Variants in AGBL4 observed in about 807,000 individuals in gnomAD.
The protein encoded by AGBL4 is cytosolic carboxypeptidase 6.
A neutral mutation model predicts 66.4 loss-of-function variants in AGBL4; 58 were observed. That is an observed-to-expected ratio of 0.87 (90% CI 0.71 to 1.09). The LOEUF is 1.09. Ranked by LOEUF, AGBL4 falls within the 50% of genes least tolerant of loss-of-function variation. AGBL4 has a pLI of 0.00. For missense variants in AGBL4, 579 were observed against 631.0 expected (o/e 0.92, Z 0.88); for synonymous variants, 234 against 222.9 (o/e 1.05, Z -0.44).
chr1:48,674,259 G>A (rs920179263), intron 6 of AGBL4, among the ~76,000 whole-genome samples: 1 of 152,182 alleles, frequency 6.6e-6, no homozygotes, highest in Non-Finnish European at 1.5e-5. Context: ...CACGCTGGCC[G>A]CATATCTACC....
intron 1 of AGBL4, among the ~76,000 whole-genome samples, chr1:49,949,419 C>T (rs934803370): frequency 6.6e-6 from 1 of 151,518 alleles, no homozygotes; most frequent in Non-Finnish European, 1.5e-5. Context: ...GCAGAGTAAA[C>T]AGAATGCTGT....
At chr1:49,987,794 A>G (rs1659624940) in intron 1 of AGBL4, among the ~76,000 whole-genome samples, 1 of 152,022 alleles carries the variant, frequency 6.6e-6, no homozygotes, top group Admixed American at 6.6e-5. Flanking sequence ...AAATACATCT[A>G]CATTGTGTTT....
intron 3 of AGBL4, among the ~76,000 whole-genome samples, chr1:49,583,497 T>C (rs577582485): frequency 6.6e-6 from 1 of 152,230 alleles, no homozygotes; most frequent in Admixed American, 6.5e-5. Flanking sequence ...TTTTAGCAAA[T>C]TCAAACATCA....
chr1:49,923,254 GGT>G (rs1354324665), intron 1 of AGBL4, among the ~76,000 whole-genome samples: 1 of 152,154 alleles, frequency 6.6e-6, no homozygotes, highest in East Asian at 1.9e-4. Context: ...CGGGATAACT[GGT>G]TAGCCATATG....
At chr1:49,232,275 G>C (rs550194464) in intron 4 of AGBL4, among the ~76,000 whole-genome samples, 4 of 152,208 alleles carry the variant, frequency 2.6e-5, no homozygotes, top group Non-Finnish European at 5.9e-5. Context: ...ACAGAAACTT[G>C]ATCAGACCCA....
chr1:49,158,859 T>C (rs929455448), intron 4 of AGBL4, among the ~76,000 whole-genome samples: 10 of 151,326 alleles, frequency 6.6e-5, no homozygotes, highest in Admixed American at 5.9e-4. Context: ...TGGTTTAAAG[T>C]CTGTTTTATC....
chr1:49,056,148 T>G (rs1438538274), intron 4 of AGBL4, among the ~76,000 whole-genome samples: 2 of 152,086 alleles, frequency 1.3e-5, no homozygotes, highest in African/African-American at 4.8e-5. Context: ...TCTTTCACCC[T>G]TCAATAAATA....
intron 5 of AGBL4, among the ~76,000 whole-genome samples, chr1:48,874,020 T>G (rs1310636785): frequency 6.6e-6 from 1 of 152,186 alleles, no homozygotes; most frequent in Non-Finnish European, 1.5e-5. Context: ...TTTCTGTGTT[T>G]CGTGCAAGAT....
chr1:49,887,337 T>C (rs12091851), intron 1 of AGBL4, among the ~76,000 whole-genome samples: 11,023 of 151,526 alleles, frequency 0.073, 1,264 homozygotes, highest in African/African-American at 0.24. Flanking sequence ...AGAATCCAGA[T>C]AGTTTTTTTT....
At chr1:49,805,648 T>C (rs904966834) in intron 2 of AGBL4, among the ~76,000 whole-genome samples, 1 of 152,192 alleles carries the variant, frequency 6.6e-6, no homozygotes, top group Non-Finnish European at 1.5e-5. Context: ...CTCCCAAAAA[T>C]TCATACATTA....
chr1:49,009,268 A>G (rs1243423336), intron 5 of AGBL4, among the ~76,000 whole-genome samples: 2 of 151,672 alleles, frequency 1.3e-5, no homozygotes, highest in African/African-American at 4.8e-5. Flanking sequence ...AAATAAACTA[A>G]AAAATCTAGA....
intron 6 of AGBL4, chr1:48,761,302 C>T: frequency 6.5e-7 from 1 of 1,528,930 alleles, no homozygotes; most frequent in East Asian, 2.5e-5. Context: ...GAAAATGCTC[C>T]AGCATACCTC....
chr1:49,206,376 G>C (rs932622910), intron 4 of AGBL4, among the ~76,000 whole-genome samples: 4 of 151,932 alleles, frequency 2.6e-5, no homozygotes, highest in South Asian at 2.1e-4. Context: ...CCCTATAAAG[G>C]GGCAGAGCCT....
At chr1:49,650,779 A>G (rs558841595) in intron 3 of AGBL4, among the ~76,000 whole-genome samples, 1 of 152,322 alleles carries the variant, frequency 6.6e-6, no homozygotes, top group South Asian at 2.1e-4. Context: ...ATGTGAACGC[A>G]GTCCCTATCT....
chr1:48,844,829 A>G (rs1646876598), intron 6 of AGBL4, among the ~76,000 whole-genome samples: 1 of 152,216 alleles, frequency 6.6e-6, no homozygotes, highest in Non-Finnish European at 1.5e-5. Flanking sequence ...TTTTTCTTGA[A>G]GCAGGTAGGG....
chr1:49,348,256 A>C (rs1645677555), intron 3 of AGBL4, among the ~76,000 whole-genome samples: 1 of 151,962 alleles, frequency 6.6e-6, no homozygotes, highest in South Asian at 2.1e-4. Context: ...GTCTCTACTA[A>C]AAATACAAAA....
chr1:49,143,815 C>G (rs546509823), intron 4 of AGBL4, among the ~76,000 whole-genome samples: 10 of 152,316 alleles, frequency 6.6e-5, no homozygotes, highest in Non-Finnish European at 1.0e-4. Context: ...AATTACTGCT[C>G]TTTGAGGAAC....
At chr1:48,936,044 T>C (rs550669138) in intron 5 of AGBL4, among the ~76,000 whole-genome samples, 1 of 142,114 alleles carries the variant, frequency 7.0e-6, no homozygotes, top group African/African-American at 2.6e-5. Context: ...TCTCAGTGCT[T>C]TGGGAGGCCA....
intron 4 of AGBL4, among the ~76,000 whole-genome samples, chr1:49,224,343 C>T (rs977318200): frequency 3.3e-5 from 5 of 152,108 alleles, no homozygotes; most frequent in African/African-American, 7.2e-5. Flanking sequence ...GCCGGCCGGA[C>T]GCGGTGACTT....
Sources: gnomAD v4.1 joint callset for allele counts (sites outside exome capture counted in the v4.1 genomes callset) on GRCh38, gnomAD v4.1.1 for gene constraint, MANE v1.5 for transcripts, NCBI Gene and HGNC (gene_info 2026-07-23, HGNC 2026-07-21) for gene names.